DLG5: variants seen among roughly 807,000 people sequenced by gnomAD.
DLG5 encodes the protein disks large homolog 5.
A neutral mutation model predicts 189.8 loss-of-function variants in DLG5; 48 were observed. The ratio of observed to expected loss-of-function variants is 0.25; its 90% CI spans 0.20 to 0.32. The LOEUF is 0.32. Ranked by LOEUF, DLG5 falls within the 10% of genes least tolerant of loss-of-function variation. DLG5 has a pLI of 1.00. For missense variants in DLG5, 2,160 were observed against 2,544.7 expected, an observed-to-expected ratio of 0.85 and a Z score of 3.25; for synonymous variants, 1,016 against 1,054.1, an observed-to-expected ratio of 0.96 and a Z score of 0.70.
At chr10:77,879,184 C>T (rs1174826196) in intron 1 of DLG5, among the ~76,000 whole-genome samples, 1 of 152,114 alleles carries the variant, frequency 6.6e-6, no homozygotes, top group Non-Finnish European at 1.5e-5. Context: ...TGGCAGGGGT[C>T]TCTCTGGGCA....
chr10:77,894,968 G>A (rs1845715365), intron 1 of DLG5, among the ~76,000 whole-genome samples: 1 of 152,200 alleles, frequency 6.6e-6, no homozygotes, highest in Admixed American at 6.5e-5. Context: ...TCCTTCCTAT[G>A]TCCTTTCAAA....
intron 2 of DLG5, among the ~76,000 whole-genome samples, chr10:77,859,769 G>A (rs1844399887): frequency 6.6e-6 from 1 of 152,220 alleles, no homozygotes; most frequent in African/African-American, 2.4e-5. Flanking sequence ...CCAGCATCAT[G>A]ACAGCCAGGA....
the DLG5 span, among the ~76,000 whole-genome samples, chr10:77,939,466 C>T: frequency 5.3e-5 from 8 of 152,286 alleles, no homozygotes; most frequent in East Asian, 1.2e-3. Flanking sequence ...AACCCTTCCA[C>T]GGCATTCAGA....
chr10:77,850,951 C>A (rs1256201987), intron 5 of DLG5, among the ~76,000 whole-genome samples: 2 of 152,204 alleles, frequency 1.3e-5, no homozygotes, highest in African/African-American at 4.8e-5. Context: ...AACTAAACCC[C>A]AAGGCAAAAG....
chr10:77,828,443 C>T (rs548613694), intron 13 of DLG5, among the ~76,000 whole-genome samples: 53 of 143,424 alleles, frequency 3.7e-4, no homozygotes, highest in African/African-American at 1.3e-3. Flanking sequence ...GCCGGGATTG[C>T]GCCACTGCGT....
chr10:77,898,513 C>A (rs541746207), intron 1 of DLG5, among the ~76,000 whole-genome samples: 1 of 152,208 alleles, frequency 6.6e-6, no homozygotes, highest in South Asian at 2.1e-4. Flanking sequence ...TGCTGCATGG[C>A]GCAGGCTGTG....
At chr10:77,794,140 G>A in intron 30 of DLG5, 23 bp from the exon 31 acceptor site, 5 of 1,603,934 alleles carry the variant, frequency 3.1e-6, no homozygotes, top group Non-Finnish European at 4.3e-6. Context: ...CCAGACACCA[G>A]GCTGAGCACT....
At chr10:77,846,381 G>T (rs117070517) in intron 5 of DLG5, among the ~76,000 whole-genome samples, 99 of 152,194 alleles carry the variant, frequency 6.5e-4, no homozygotes, top group Non-Finnish European at 9.6e-4. Flanking sequence ...TGATTGGTGA[G>T]CAATACCTCA....
chr10:77,865,767 G>A (rs561475238), intron 2 of DLG5, among the ~76,000 whole-genome samples: 12 of 152,246 alleles, frequency 7.9e-5, no homozygotes, highest in Middle Eastern at 6.8e-3. Flanking sequence ...TGTGTGCTTA[G>A]CTGATGAAAA....
At chr10:77,795,107 C>A in intron 29 of DLG5, 149 bp from the exon 30 acceptor site, 2 of 618,838 alleles carry the variant, frequency 3.2e-6, no homozygotes, top group Admixed American at 6.0e-5. Context: ...GGAAACCATA[C>A]CCACGAAACT....
chr10:77,891,789 T>C (rs1206127417), intron 1 of DLG5, among the ~76,000 whole-genome samples: 2 of 152,198 alleles, frequency 1.3e-5, no homozygotes, highest in Admixed American at 6.5e-5. Context: ...GGCTGAGGGC[T>C]GGTGTGCTGA....
chr10:77,937,560 G>C, the DLG5 span, among the ~76,000 whole-genome samples: 1 of 152,100 alleles, frequency 6.6e-6, no homozygotes, highest in African/African-American at 2.4e-5. Context: ...GCAAGGGAAA[G>C]TGTGCCAAGG....
At position 77,890,022 on chromosome 10, in the gene DLG5, C is replaced by T. The variant is rs558797894; in HGVS notation, c.305-20825G>A. On this transcript the variant is annotated intron_variant, in intron 1 of 31. Transcript: ENST00000372391. Reference sequence around the variant, plus strand: ...CCAGCTGCTCTGACCATACCTGAACCACTGTACTCAGCACAAAGCCACAAC... The same window carrying T: ...CCAGCTGCTCTGACCATACCTGAACTACTGTACTCAGCACAAAGCCACAAC... Among the ~76,000 whole-genome samples, 3 of 152,116 alleles carry T rather than the reference C, an allele frequency of 2.0e-5. No individual in the cohort carries two copies. In the East Asian group the frequency reaches 5.8e-4, roughly 29 times the overall value.
At chr10:77,901,756 G>A (rs1220463483) in intron 1 of DLG5, among the ~76,000 whole-genome samples, 1 of 152,174 alleles carries the variant, frequency 6.6e-6, no homozygotes, top group East Asian at 1.9e-4. Context: ...CAGTGGGCCT[G>A]AGCCAACAGC....
chr10:77,938,270 C>G, the DLG5 span, among the ~76,000 whole-genome samples: 1 of 151,904 alleles, frequency 6.6e-6, no homozygotes, highest in South Asian at 2.1e-4. Flanking sequence ...ATAGGGAGAC[C>G]CTGTCTCTAC....
chr10:77,792,938 G>A (rs1380319605), intron 31 of DLG5: 7 of 240,728 alleles, frequency 2.9e-5, no homozygotes, highest in Non-Finnish European at 4.9e-5. Flanking sequence ...AGATGATGGC[G>A]CCAACTTGGG....
At chr10:77,881,647 T>C (rs1011509066) in intron 1 of DLG5, among the ~76,000 whole-genome samples, 9 of 152,098 alleles carry the variant, frequency 5.9e-5, no homozygotes, top group East Asian at 1.9e-4. Flanking sequence ...AGAAATGGAG[T>C]GGGCCAATGG....
At chr10:77,879,119 A>G (rs946355491) in intron 1 of DLG5, among the ~76,000 whole-genome samples, 7 of 152,276 alleles carry the variant, frequency 4.6e-5, no homozygotes, top group Admixed American at 6.5e-5. Flanking sequence ...AAAATGTTGC[A>G]GAGTTAAATG....
chr10:77,829,012 A>G, intron 12 of DLG5, 27 bp from the exon 13 acceptor site: 1 of 1,611,132 alleles, frequency 6.2e-7, no homozygotes, highest in Non-Finnish European at 8.5e-7. Context: ...GTCACTGGGT[A>G]GCCCCTGGCC....
Sources: allele counts gnomAD v4.1 joint callset (sites outside exome capture counted in the v4.1 genomes callset), GRCh38; gene constraint gnomAD v4.1.1; transcripts MANE v1.5; gene names NCBI Gene and HGNC (gene_info 2026-07-23, HGNC 2026-07-21).